The following EGLN2 variants were observed in gnomAD, a reference collection of about 807,000 sequenced individuals.
EGLN2 encodes the protein prolyl hydroxylase EGLN2.
Under a neutral mutation model 38.2 loss-of-function variants are expected in EGLN2, and 15 were observed. That is an observed-to-expected ratio of 0.39 (90% CI 0.26 to 0.60). The LOEUF (loss-of-function observed/expected upper bound fraction) is 0.60, where lower values mean the gene tolerates loss of function less well. Ranked by LOEUF, EGLN2 falls within the 20% of genes least tolerant of loss-of-function variation. The pLI is 0.50. For missense variants in EGLN2, 492 were observed against 570.4 expected (o/e 0.86, Z 1.40); for synonymous variants, 284 against 237.4 (o/e 1.20, Z -1.81).
rs1336162055 is a variant in EGLN2 at position 40,801,336 on chromosome 19, C to T, written c.764C>T (p.Ala255Val). The change falls in exon 2 of 6, where the codon GCC becomes GTC. Residue 255 changes from alanine to valine, a missense_variant. Around this residue, in one of 2 missense-constraint regions of EGLN2, gnomAD observed 378 missense variants for 386.2 expected, o/e 0.98. Coordinates refer to ENST00000303961, the MANE Select transcript of EGLN2 (RefSeq NM_080732.4). ...GHEPGCRSIG[A>V]LMAHVDAVIR... ...GAACCAGGCTGTCGAAGCATTGGTG[C>T]CCTCATGGCCCATGTGGACGCCGTC... 1.2e-6 allele frequency: 2 copies of T among 1,612,240 alleles called. No individual in the cohort carries two copies. Among genetic ancestry groups the T allele is most frequent in the Non-Finnish European group, 1.7e-6 (2 of 1,180,028 alleles).
chr19:40,801,782 G>T (rs1405008704), intron 2 of EGLN2, among the ~76,000 whole-genome samples: 1 of 151,404 alleles, frequency 6.6e-6, no homozygotes, highest in African/African-American at 2.4e-5. Context: ...GTGAACAGAG[G>T]TCTCTGGTTT....
Position 40,801,403 on chromosome 19 carries a change from C to T in EGLN2, c.831C>T (p.Asn277=), listed in dbSNP as rs35828660. 120 of 1,604,974 alleles carry T rather than the reference C, an allele frequency of 7.5e-5. 1 individual carries two copies. The African/African-American group carries it at 8.1e-4, about 11-fold the overall frequency. The change falls in exon 2 of 6, where the codon AAC becomes AAT. Residue 277 remains asparagine (N), a synonymous_variant. Coordinates refer to ENST00000303961, the MANE Select transcript of EGLN2 (RefSeq NM_080732.4). ...GGCGGCTGGGCAGCTATGTCATCAACGGGCGCACCAAGGTAAGGCTAGGTG... is the reference window on the plus strand; with the variant it reads ...GGCGGCTGGGCAGCTATGTCATCAATGGGCGCACCAAGGTAAGGCTAGGTG... ...CAGRLGSYVI[N]GRTKAMVACY...
intron 2 of EGLN2, chr19:40,805,411 C>CT (rs904851103): frequency 1.3e-5 from 2 of 152,206 alleles, no homozygotes; most frequent in Non-Finnish European, 2.9e-5. Flanking sequence ...GTGGCAGGCA[C>CT]TGTGCTGGCT....
At chr19:40,804,949 G>A (rs1480215998) in intron 2 of EGLN2, 1 of 152,260 alleles carries the variant, frequency 6.6e-6, no homozygotes, top group African/African-American at 2.4e-5. Context: ...TGGTGGATGA[G>A]GTGCACATGG....
rs181478340 is a variant in EGLN2, at chr19:40,808,114, G to A, written c.*250G>A. On this transcript the variant is annotated 3_prime_UTR_variant, in exon 6 of 6. Transcript: ENST00000303961. ...GGCCACCGTTACCAACTGAAGCTGG[G>A]GGCCTGGGTCCTACCCTGTCTGGTC... 355 of 588,524 alleles carry A rather than the reference G, an allele frequency of 6.0e-4. 4 individuals are homozygous for A. The highest frequency in any genetic ancestry group is 5.5e-3 in the African/African-American group (294 of 53,644). 36.5% of individuals were successfully genotyped at this position (588,524 alleles called of 1,614,324 possible).
chr19:40,807,729 CTCTCCCCA>C, intron 5 of EGLN2, 72 bp from the exon 6 acceptor site: 1 of 1,516,612 alleles, frequency 6.6e-7, no homozygotes, highest in Non-Finnish European at 9.1e-7. Context: ...CTTCCTGGTC[CTCTCCCCA>C]TCTCCCCAGG....
At chr19:40,802,956 C>A (rs777732087) in intron 2 of EGLN2, among the ~76,000 whole-genome samples, 4 of 152,226 alleles carry the variant, frequency 2.6e-5, no homozygotes, top group Non-Finnish European at 5.9e-5. Context: ...GGGACCAGGG[C>A]TCCCCCGGGG....
In EGLN2 at chr19:40,800,632, T is replaced by C. The variant is rs1407491582; in HGVS notation, c.60T>C (p.Ser20=). 1 of 1,613,724 alleles carries C rather than the reference T, an allele frequency of 6.2e-7. No homozygotes were observed. Among genetic ancestry groups the C allele is most frequent in the East Asian group, 2.2e-5 (1 of 44,882 alleles). Residue 20 remains serine (S), a synonymous_variant, in exon 2 of 6, where the codon TCT becomes TCC. Transcript: ENST00000303961. ...AGGCTCTCCCTCAGTTACCAGGGTC[T>C]TCGTCAGAGCCCTTGGAGCCTGAGC... ...LSQALPQLPG[S]SSEPLEPEPG...
rs1183952434 is a variant in EGLN2, at chr19:40,807,826, G to A, written c.1186G>A (p.Val396Ile). Residue 396 changes from valine (V) to isoleucine (I), a missense_variant, in exon 6 of 6, where the codon GTC becomes ATC. This residue lies in a region of EGLN2 where 114 missense variants were observed against 184.2 expected (regional missense o/e 0.62). Transcript: ENST00000303961. ...ACCCCCAGCATCAGGACAGAAAGGTGTCCAAGTACCTGTATCACAGCCGCC... is the reference window on the plus strand; with the variant it reads ...ACCCCCAGCATCAGGACAGAAAGGTATCCAAGTACCTGTATCACAGCCGCC... ...KYQLASGQKG[V>I]QVPVSQPPTP... The A allele has an allele frequency of 1.2e-6, 2 of 1,614,174 alleles. No homozygotes were observed. Among genetic ancestry groups the A allele is most frequent in the Non-Finnish European group, 1.7e-6 (2 of 1,180,024 alleles).
At chr19:40,801,977 G>T (rs1387154683) in intron 2 of EGLN2, among the ~76,000 whole-genome samples, 1 of 152,102 alleles carries the variant, frequency 6.6e-6, no homozygotes, top group Non-Finnish European at 1.5e-5. Context: ...CCTTGGTGGG[G>T]TTCATGGCCT....
intron 5 of EGLN2, 114 bp downstream of exon 5, chr19:40,807,665 C>A (rs1754771368): frequency 2.1e-6 from 3 of 1,424,852 alleles, no homozygotes; most frequent in Non-Finnish European, 2.9e-6. Context: ...TTTTCTTCAT[C>A]TCTGCCCACC....
intron 2 of EGLN2, chr19:40,804,922 C>T (rs1568502298): frequency 6.6e-6 from 1 of 152,262 alleles, no homozygotes; most frequent in Non-Finnish European, 1.5e-5. Flanking sequence ...GCAGCCCTCT[C>T]TTTCCAGGGC....
At chr19:40,806,905 C>T in intron 3 of EGLN2, 1 of 900,732 alleles carries the variant, frequency 1.1e-6, no homozygotes, top group South Asian at 1.7e-5. Flanking sequence ...GTGCTGTCTG[C>T]CCAGCCCCAC....
Position 40,800,897 on chromosome 19 carries a change from G to C in EGLN2, c.325G>C (p.Ala109Pro). The change falls in exon 2 of 6, where the codon GCC (alanine) becomes CCC (proline). Residue 109 changes from alanine to proline, a missense_variant. By Grantham distance (27) the Ala-to-Pro change is conservative. Coordinates refer to ENST00000303961, the MANE Select transcript of EGLN2 (RefSeq NM_080732.4). ...LVTKGCQRLA[A>P]QGARPEAPKR... ...CACCAAGGGGTGCCAGCGATTGGCA[G>C]CCCAGGGCGCACGGCCTGAGGCCCC... 6.2e-7 allele frequency: 1 copy of C among 1,608,250 alleles called. No individual in the cohort carries two copies. The highest frequency in any genetic ancestry group is 8.5e-7 in the Non-Finnish European group (1 of 1,177,894).
At chr19:40,799,545 T>A (rs1307083361) in intron 1 of EGLN2, 1 of 151,188 alleles carries the variant, frequency 6.6e-6, no homozygotes, top group African/African-American at 2.4e-5. Context: ...CCCTGTCGCC[T>A]ACTGCGCTCA....
intron 4 of EGLN2, 24 bp from the exon 5 acceptor site, chr19:40,807,460 A>G (rs2083313422): frequency 6.2e-7 from 1 of 1,613,778 alleles, no homozygotes; most frequent in Non-Finnish European, 8.5e-7. Flanking sequence ...CAGAAAACTA[A>G]TGTCCAACCA....
At chr19:40,807,631 C>T in intron 5 of EGLN2, 80 bp downstream of exon 5, 3 of 1,525,364 alleles carry the variant, frequency 2.0e-6, no homozygotes, top group Non-Finnish European at 2.7e-6. Flanking sequence ...CCTCATCAGC[C>T]TCTTGTTAAA....
Position 40,800,390 on chromosome 19 carries a change from G to A in EGLN2, c.-183G>A. The stretch of plus-strand genomic sequence containing the variant: ...CCTTAGGGACCGCAGAGGACTTGGG[G>A]ACCAGCAAGCAACCCCCAGGGCACG... On this transcript the variant is annotated 5_prime_UTR_variant, in exon 2 of 6. Transcript: ENST00000303961. 2 of 901,766 alleles carry A rather than the reference G, an allele frequency of 2.2e-6. No individual in the cohort carries two copies. The highest frequency in any genetic ancestry group is 3.2e-6 in the Non-Finnish European group (2 of 617,204). The allele number at this position is 901,766 out of a possible 1,614,324, so 55.9% of individuals were successfully genotyped here. A position where few individuals can be genotyped will look rare whatever the true frequency, so the allele number is the denominator to read the frequency against.
chr19:40,806,455 G>T (rs1002254499), intron 2 of EGLN2, 100 bp from the exon 3 acceptor site: 2 of 1,564,272 alleles, frequency 1.3e-6, no homozygotes, highest in Admixed American at 1.8e-5. Flanking sequence ...TCATGGGGAA[G>T]ATGGGGCAAG....
Sources: gnomAD v4.1 joint callset for allele counts (sites outside exome capture counted in the v4.1 genomes callset) on GRCh38, gnomAD v4.1.1 for gene constraint, gnomAD v4.1.1 regional missense constraint, MANE v1.5 for transcripts, NCBI Gene and HGNC (gene_info 2026-07-23, HGNC 2026-07-21) for gene names.